Variants in DAB1 observed in about 807,000 individuals in gnomAD.
The protein encoded by DAB1 is DAB adaptor protein 1.
Under a neutral mutation model 64.6 loss-of-function variants are expected in DAB1, and 15 were observed. That is an observed-to-expected ratio of 0.23 (90% CI 0.16 to 0.36). The LOEUF is 0.36. Among genes scored for constraint, DAB1 ranks in the 10% least tolerant of loss-of-function variants. The pLI, the probability that DAB1 is intolerant of heterozygous loss-of-function variation, is 1.00. For missense variants in DAB1, 596 were observed against 706.7 expected (o/e 0.84, Z 1.78); for synonymous variants, 235 against 251.9 (o/e 0.93, Z 0.64).
intron 2 of DAB1, among the ~76,000 whole-genome samples, chr1:57,197,118 T>C (rs1664687769): frequency 1.3e-5 from 2 of 152,054 alleles, no homozygotes; most frequent in Non-Finnish European, 2.9e-5. Flanking sequence ...GGCAGATCAC[T>C]TGAGGTCAGG....
intron 6 of DAB1, among the ~76,000 whole-genome samples, chr1:57,809,860 C>A (rs1486831198): frequency 3.3e-5 from 5 of 152,202 alleles, no homozygotes; most frequent in Admixed American, 6.5e-5. Flanking sequence ...GTGTTTCCTA[C>A]TGTGCCTCTC....
At chr1:57,678,570 G>C (rs916724728) in intron 6 of DAB1, among the ~76,000 whole-genome samples, 2 of 152,122 alleles carry the variant, frequency 1.3e-5, no homozygotes, top group Admixed American at 6.6e-5. Flanking sequence ...TACCTCTAGA[G>C]ATGGGACCTC....
At chr1:58,222,835 A>C (rs116043214) in intron 4 of DAB1, among the ~76,000 whole-genome samples, 4 of 152,204 alleles carry the variant, frequency 2.6e-5, no homozygotes, top group African/African-American at 7.2e-5. Context: ...CATATTGTAC[A>C]TAGTACAGTG....
intron 7 of DAB1, among the ~76,000 whole-genome samples, chr1:57,439,422 T>TTTTTTTTTGTTTTTTTTTG (rs1558381306): frequency 4.1e-5 from 5 of 120,754 alleles, no homozygotes; most frequent in African/African-American, 1.4e-4. Context: ...GATGAGGTTT[T>TTTTTTTTTGTTTTTTTTTG]TTCTTTTTTT....
At chr1:58,437,608 A>G (rs1474580450) in intron 3 of DAB1, among the ~76,000 whole-genome samples, 1 of 152,258 alleles carries the variant, frequency 6.6e-6, no homozygotes, top group Non-Finnish European at 1.5e-5. Flanking sequence ...CCCCCATTCC[A>G]GTATAAGCTC....
intron 2 of DAB1, among the ~76,000 whole-genome samples, chr1:57,244,806 T>G (rs756756962): frequency 6.6e-6 from 1 of 152,254 alleles, no homozygotes; most frequent in Admixed American, 6.5e-5. Context: ...CTATAATTTA[T>G]GTAGACTCAT....
chr1:57,870,314 C>G (rs933539703), intron 1 of DAB1, among the ~76,000 whole-genome samples: 1 of 152,128 alleles, frequency 6.6e-6, no homozygotes, highest in Non-Finnish European at 1.5e-5. Flanking sequence ...TCATTCTAGG[C>G]TCTGCACTTG....
At chr1:57,491,505 AC>A (rs1644164718) in intron 7 of DAB1, among the ~76,000 whole-genome samples, 1 of 152,370 alleles carries the variant, frequency 6.6e-6, no homozygotes, top group East Asian at 1.9e-4. Context: ...TTGGAGGACA[AC>A]AAATAAAAAA....
At chr1:58,537,823 T>C (rs878992553) in intron 1 of DAB1, among the ~76,000 whole-genome samples, 1 of 152,218 alleles carries the variant, frequency 6.6e-6, no homozygotes, top group Non-Finnish European at 1.5e-5. Context: ...ACATTATCCT[T>C]TATTTAAAAT....
At chr1:57,041,116 A>G (rs1647727312) in intron 9 of DAB1, among the ~76,000 whole-genome samples, 1 of 152,248 alleles carries the variant, frequency 6.6e-6, no homozygotes, top group Non-Finnish European at 1.5e-5. Flanking sequence ...AAAGGAAAAA[A>G]TAGCCAGGAG....
At chr1:58,317,083 A>G (rs1005981834) in intron 4 of DAB1, among the ~76,000 whole-genome samples, 1 of 152,206 alleles carries the variant, frequency 6.6e-6, no homozygotes, top group African/African-American at 2.4e-5. Context: ...AAGAGAGAGC[A>G]TTGCCTTTGC....
chr1:57,845,753 A>T (rs1653251710), intron 1 of DAB1, among the ~76,000 whole-genome samples: 1 of 152,226 alleles, frequency 6.6e-6, no homozygotes, highest in African/African-American at 2.4e-5. Flanking sequence ...TGATTAAATG[A>T]ATAAATCCTC....
At chr1:57,326,579 C>G (rs1676173524) in intron 1 of DAB1, among the ~76,000 whole-genome samples, 1 of 152,182 alleles carries the variant, frequency 6.6e-6, no homozygotes, top group Non-Finnish European at 1.5e-5. Flanking sequence ...ATACCATAGA[C>G]TGGGTGGCTT....
intron 2 of DAB1, among the ~76,000 whole-genome samples, chr1:57,188,277 C>T (rs1663793222): frequency 6.6e-6 from 1 of 152,090 alleles, no homozygotes; most frequent in African/African-American, 2.4e-5. Flanking sequence ...TAATTTAGAT[C>T]ACCTATCCAC....
chr1:57,604,070 C>T (rs1256494497), intron 7 of DAB1, among the ~76,000 whole-genome samples: 1 of 152,236 alleles, frequency 6.6e-6, no homozygotes, highest in Non-Finnish European at 1.5e-5. Context: ...AAGCCATGCG[C>T]TGCTGCTTCC....
intron 4 of DAB1, among the ~76,000 whole-genome samples, chr1:58,289,024 T>G (rs892765127): frequency 5.9e-5 from 9 of 152,198 alleles, no homozygotes; most frequent in South Asian, 4.1e-4. Flanking sequence ...CACCCCCACT[T>G]AGACATAATA....
chr1:58,464,770 A>G (rs551208385), intron 3 of DAB1, among the ~76,000 whole-genome samples: 41 of 152,330 alleles, frequency 2.7e-4, no homozygotes, highest in African/African-American at 9.9e-4. Context: ...GGAGGAGGAG[A>G]CGAGAACTGA....
chr1:57,030,016 T>C (rs1045201681), intron 9 of DAB1, among the ~76,000 whole-genome samples: 4 of 152,128 alleles, frequency 2.6e-5, no homozygotes, highest in African/African-American at 9.7e-5. Context: ...CAGAATGATA[T>C]GGTTTGGCTG....
intron 3 of DAB1, among the ~76,000 whole-genome samples, chr1:58,483,804 G>T (rs901116483): frequency 6.6e-6 from 1 of 152,174 alleles, no homozygotes; most frequent in African/African-American, 2.4e-5. Flanking sequence ...CTGCAAAATT[G>T]GGACGTACGG....
Sources: allele counts gnomAD v4.1 joint callset (sites outside exome capture counted in the v4.1 genomes callset), GRCh38; gene constraint gnomAD v4.1.1; transcripts MANE v1.5; gene names NCBI Gene and HGNC (gene_info 2026-07-23, HGNC 2026-07-21).